Variants in KIAA0753 observed in about 807,000 individuals in gnomAD.
The protein encoded by KIAA0753 is protein moonraker.
In KIAA0753, 114 loss-of-function variants were observed where a neutral mutation model predicts 116.9. The observed-to-expected ratio is 0.98, with a 90% CI of 0.84 to 1.14. The LOEUF is 1.14. Among genes scored for constraint, KIAA0753 ranks in the 50% most tolerant of loss-of-function variants. KIAA0753 has a pLI of 0.00. For missense variants in KIAA0753, 1,156 were observed against 1,172.4 expected, an observed-to-expected ratio of 0.99 and a Z score of 0.20; for synonymous variants, 405 against 413.1, an observed-to-expected ratio of 0.98 and a Z score of 0.24.
intron 1 of KIAA0753, chr17:6,637,768 C>G (rs1015589086): frequency 6.6e-6 from 1 of 152,424 alleles, no homozygotes; most frequent in African/African-American, 2.4e-5. Context: ...TCTTTCACCC[C>G]ACAATTCTGA....
At chr17:6,607,901 C>CGGGTTACTT in intron 10 of KIAA0753, among the ~76,000 whole-genome samples, 2 of 152,202 alleles carry the variant, frequency 1.3e-5, no homozygotes, top group African/African-American at 4.8e-5. Context: ...GAAGCCTAGA[C>CGGGTTACTT]CTCTGCAGCC....
At chr17:6,633,387 C>A (rs1972120967) in intron 2 of KIAA0753, among the ~76,000 whole-genome samples, 1 of 152,136 alleles carries the variant, frequency 6.6e-6, no homozygotes, top group African/African-American at 2.4e-5. Context: ...GAGACAACAA[C>A]AAGTGTTGGC....
chr17:6,636,314 T>G (rs947309429), intron 1 of KIAA0753: 3 of 152,152 alleles, frequency 2.0e-5, no homozygotes, highest in Admixed American at 1.3e-4. Context: ...TGGCTTGACG[T>G]TGGCACAGGT....
intron 16 of KIAA0753, among the ~76,000 whole-genome samples, chr17:6,591,487 T>G (rs539060642): frequency 6.6e-6 from 1 of 152,182 alleles, no homozygotes; most frequent in African/African-American, 2.4e-5. Context: ...TCACTTTAAA[T>G]TGGGTTTTGT....
chr17:6,615,626 A>AAAAC (rs1970863885), intron 7 of KIAA0753, among the ~76,000 whole-genome samples: 1 of 151,184 alleles, frequency 6.6e-6, no homozygotes, highest in African/African-American at 2.4e-5. Context: ...AAAAAAAAAA[A>AAAAC]AAAAAAAAAA....
intron 7 of KIAA0753, among the ~76,000 whole-genome samples, chr17:6,615,654 A>C (rs973669053): frequency 6.9e-6 from 1 of 145,084 alleles, no homozygotes; most frequent in Non-Finnish European, 1.5e-5. Flanking sequence ...CTAAATCCTC[A>C]GTCTGTAATT....
chr17:6,604,204 C>T (rs1970049012), intron 12 of KIAA0753, among the ~76,000 whole-genome samples: 1 of 151,998 alleles, frequency 6.6e-6, no homozygotes, highest in African/African-American at 2.4e-5. Context: ...TTTATAGAAA[C>T]TGTATTCATA....
At chr17:6,591,009 GGAA>G (rs71383413) in intron 16 of KIAA0753, among the ~76,000 whole-genome samples, 22,743 of 91,170 alleles carry the variant, frequency 0.25, 2,669 homozygotes, top group Non-Finnish European at 0.31. Context: ...GGAAGAAGAA[GGAA>G]GAAGAAGGAA....
Position 6,579,875 on chromosome 17 carries a change from AACAAC to A in KIAA0753, c.2787-16_2787-12del. On this transcript the variant is annotated splice_polypyrimidine_tract_variant and intron_variant, in intron 18 of 18. Coordinates refer to ENST00000361413, the MANE Select transcript of KIAA0753 (RefSeq NM_014804.3). ...AGCTCTTCTGAAAAGCTGGAAGACA[AACAAC>A]ACAACTAAAGGTATGTACAAGGCCA... 8.1e-6 allele frequency: 13 copies of A among 1,601,828 alleles called. No homozygotes were observed. The highest frequency in any genetic ancestry group is 1.1e-5 in the Non-Finnish European group (13 of 1,169,630).
chr17:6,581,723 G>A (rs1968193137), intron 18 of KIAA0753, among the ~76,000 whole-genome samples: 1 of 152,014 alleles, frequency 6.6e-6, no homozygotes, highest in Non-Finnish European at 1.5e-5. Flanking sequence ...TTATTTTATT[G>A]TATAGTTTGT....
intron 2 of KIAA0753, among the ~76,000 whole-genome samples, chr17:6,629,716 C>T (rs1292329103): frequency 1.3e-5 from 2 of 152,144 alleles, no homozygotes; most frequent in Non-Finnish European, 2.9e-5. Flanking sequence ...AGATGGCCTC[C>T]CCTGCTCTCA....
intron 3 of KIAA0753, among the ~76,000 whole-genome samples, chr17:6,627,637 T>C (rs949140702): frequency 6.6e-6 from 1 of 152,232 alleles, no homozygotes; most frequent in Non-Finnish European, 1.5e-5. Context: ...GTGCTCACTT[T>C]ACACATATAC....
intron 12 of KIAA0753, among the ~76,000 whole-genome samples, chr17:6,604,558 T>C (rs1597508488): frequency 6.6e-6 from 1 of 152,038 alleles, no homozygotes; most frequent in African/African-American, 2.4e-5. Flanking sequence ...ACTATACAAT[T>C]CCACTTATAA....
rs1391147742 is a variant in KIAA0753, at chr17:6,628,546, G to C, written c.289C>G (p.Leu97Val). 9.9e-6 allele frequency: 16 copies of C among 1,614,070 alleles called. No homozygotes were observed. Among genetic ancestry groups the C allele is most frequent in the Admixed American group, 1.7e-5 (1 of 60,016 alleles). ...VSFSVISQER[L>V]SYAVHLARRD... is the part of the protein sequence containing the mutation. ...CTGGCTAGGTGGACAGCATAGCTAA[G>C]TCTCTCTTGGGATATGACGGAAAAT... The change falls in exon 3 of 19, where the codon CTT (leucine) becomes GTT (valine). Residue 97 changes from leucine (L) to valine (V), a missense_variant. Transcript: ENST00000361413.
rs1305268617 is a variant in KIAA0753 at position 6,620,890 on chromosome 17, A to T, written c.1213T>A (p.Trp405Arg). Residue 405 changes from tryptophan (W) to arginine (R), a missense_variant, in exon 7 of 19, where the codon TGG (tryptophan) becomes AGG (arginine). Coordinates refer to ENST00000361413, the MANE Select transcript of KIAA0753 (RefSeq NM_014804.3). ...PIGSQKALER[W>R]PSTSPKGERR... is the part of the protein sequence containing the mutation. Reference sequence around the variant, plus strand: ...TCACCCTTTGGTGATGTACTTGGCCATCTCTCCAAGGCCTTTTGGCTACCG... The same window carrying T: ...TCACCCTTTGGTGATGTACTTGGCCTTCTCTCCAAGGCCTTTTGGCTACCG... The T allele has an allele frequency of 1.9e-6, 3 of 1,614,152 alleles. No individual in the cohort carries two copies. In the Admixed American group the frequency reaches 5.0e-5, roughly 27 times the overall value.
Position 6,631,657 on chromosome 17 carries a change from T to A in KIAA0753, c.94-2916A>T, listed in dbSNP as rs192184914. ...ACAGACATGTGAGTACGGGTGTGCA[T>A]TTATGAATGTGTGTACATGTATGTA... On this transcript the variant is annotated intron_variant, in intron 2 of 18. Transcript: ENST00000361413. 2.4e-3 allele frequency among the ~76,000 whole-genome samples: 368 copies of A among 152,206 alleles called. 4 individuals carry two copies. The highest frequency in any genetic ancestry group is 0.014 in the Middle Eastern group (4 of 294).
intron 15 of KIAA0753, among the ~76,000 whole-genome samples, chr17:6,595,295 G>C (rs949843701): frequency 3.9e-5 from 6 of 152,206 alleles, no homozygotes; most frequent in African/African-American, 1.4e-4. Context: ...GTGAGGAAAT[G>C]TTCTATATGT....
At chr17:6,623,698 GA>G in intron 4 of KIAA0753, 127 bp from the exon 5 acceptor site, 10 of 1,337,948 alleles carry the variant, frequency 7.5e-6, no homozygotes, top group South Asian at 1.7e-5. Context: ...ACTTGAAAAT[GA>G]AAAAAAGGCT....
chr17:6,619,484 T>C (rs1206388036), intron 7 of KIAA0753, among the ~76,000 whole-genome samples: 1 of 152,142 alleles, frequency 6.6e-6, no homozygotes, highest in African/African-American at 2.4e-5. Context: ...TGGAGTGCAG[T>C]GGTGCAATTT....
Sources: gnomAD v4.1 joint callset for allele counts (sites outside exome capture counted in the v4.1 genomes callset) on GRCh38, gnomAD v4.1.1 for gene constraint, MANE v1.5 for transcripts, NCBI Gene and HGNC (gene_info 2026-07-23, HGNC 2026-07-21) for gene names.